TUSC3: variants seen among roughly 807,000 people sequenced by gnomAD.
TUSC3 encodes dolichyl-diphosphooligosaccharide--protein glycosyltransferase subunit TUSC3.
A neutral mutation model predicts 44.8 loss-of-function variants in TUSC3; 45 were observed. The ratio of observed to expected loss-of-function variants is 1.00; its 90% CI spans 0.79 to 1.29. The LOEUF is 1.29. Ranked by LOEUF, TUSC3 falls within the 50% of genes most tolerant of loss-of-function variation. TUSC3 has a pLI of 0.00. For synonymous variants in TUSC3, 212 were observed against 152.9 expected (o/e 1.39, Z -2.85); for missense variants, 519 against 437.9 (o/e 1.19, Z -1.65).
chr8:15,774,606 T>C, the TUSC3 span, among the ~76,000 whole-genome samples: 1 of 152,204 alleles, frequency 6.6e-6, no homozygotes, highest in Non-Finnish European at 1.5e-5. Context: ...ATTTCTGTTC[T>C]TTTAACCCAT....
At chr8:15,616,217 G>A (rs962660546) in intron 1 of TUSC3, among the ~76,000 whole-genome samples, 5 of 152,186 alleles carry the variant, frequency 3.3e-5, no homozygotes, top group African/African-American at 1.2e-4. Flanking sequence ...TTCTGTTTTA[G>A]AAGTTTATAG....
chr8:15,466,626 A>G (rs1157071974), intron 1 of TUSC3, among the ~76,000 whole-genome samples: 1 of 152,172 alleles, frequency 6.6e-6, no homozygotes, highest in Non-Finnish European at 1.5e-5. Context: ...TATAGTAGCT[A>G]TCCAACTTAG....
At chr8:15,746,022 T>C (rs1811399901) in intron 8 of TUSC3, among the ~76,000 whole-genome samples, 1 of 152,158 alleles carries the variant, frequency 6.6e-6, no homozygotes, top group Non-Finnish European at 1.5e-5. Context: ...TAGAGAGTCC[T>C]CTCCCCATTG....
intron 5 of TUSC3, among the ~76,000 whole-genome samples, chr8:15,668,425 A>G (rs553536978): frequency 1.1e-4 from 16 of 151,852 alleles, no homozygotes; most frequent in African/African-American, 3.6e-4. Context: ...TGACCATTCA[A>G]CAAGAGTTTG....
the TUSC3 span, among the ~76,000 whole-genome samples, chr8:15,820,078 T>C: frequency 0.11 from 16,135 of 152,198 alleles, 964 homozygotes; most frequent in East Asian, 0.25. Flanking sequence ...CTGTTCAATA[T>C]TATCAAATGC....
chr8:15,446,446 C>A (rs982825394), intron 1 of TUSC3, among the ~76,000 whole-genome samples: 12 of 152,102 alleles, frequency 7.9e-5, no homozygotes, highest in Non-Finnish European at 1.3e-4. Context: ...ACATTGAGCA[C>A]TGAGTGAGCG....
At chr8:15,692,189 A>T (rs996559387) in intron 6 of TUSC3, among the ~76,000 whole-genome samples, 1 of 152,114 alleles carries the variant, frequency 6.6e-6, no homozygotes, top group Non-Finnish European at 1.5e-5. Flanking sequence ...ATCATGGTGG[A>T]TTAACTTTTT....
the TUSC3 span, among the ~76,000 whole-genome samples, chr8:15,848,772 G>A: frequency 1.1e-3 from 165 of 152,260 alleles, no homozygotes; most frequent in African/African-American, 3.8e-3. Flanking sequence ...GTTTGAGTTG[G>A]TTTCTGTAAT....
chr8:15,476,191 A>C (rs1800573359), intron 1 of TUSC3, among the ~76,000 whole-genome samples: 1 of 152,206 alleles, frequency 6.6e-6, no homozygotes, highest in South Asian at 2.1e-4. Flanking sequence ...CGTTTAAAGA[A>C]TTTTTAAAAC....
At chr8:15,543,621 T>G (rs186395734) in intron 1 of TUSC3, among the ~76,000 whole-genome samples, 6 of 152,262 alleles carry the variant, frequency 3.9e-5, no homozygotes, top group Admixed American at 1.3e-4. Flanking sequence ...AAATGCTTAG[T>G]GCAATGCGTA....
At position 15,612,030 on chromosome 8, in the gene TUSC3, A is replaced by C. The variant is rs7831687; in HGVS notation, c.139-11050A>C. ...CTTGTTCTCTTAGAGACTCCTTTAA[A>C]AATATAAGAAGAACAGAAGGGGTCA... On this transcript the variant is annotated intron_variant, in intron 1 of 10. Coordinates refer to ENST00000503731, the MANE Select transcript of TUSC3 (RefSeq NM_006765.4). 9.1e-3 allele frequency among the ~76,000 whole-genome samples: 1,387 copies of C among 152,258 alleles called. 19 individuals are homozygous for C. The highest frequency in any genetic ancestry group is 0.032 in the African/African-American group (1,314 of 41,544).
chr8:15,531,449 G>C (rs11780568), intron 2 of TUSC3, among the ~76,000 whole-genome samples: 1 of 151,986 alleles, frequency 6.6e-6, no homozygotes. Context: ...ACAGGGTTTC[G>C]CCACGTTGGC....
intron 1 of TUSC3, among the ~76,000 whole-genome samples, chr8:15,463,529 A>G (rs1384510306): frequency 6.6e-6 from 1 of 152,152 alleles, no homozygotes; most frequent in Non-Finnish European, 1.5e-5. Flanking sequence ...ATGAGAAAGC[A>G]TCTGGCAAAT....
intron 2 of TUSC3, among the ~76,000 whole-genome samples, chr8:15,639,219 T>C (rs1448579556): frequency 6.6e-6 from 1 of 151,646 alleles, no homozygotes; most frequent in Non-Finnish European, 1.5e-5. Context: ...GTGTTGATGC[T>C]AGATCACGTG....
chr8:15,480,848 C>A (rs946215776), intron 1 of TUSC3, among the ~76,000 whole-genome samples: 2 of 152,174 alleles, frequency 1.3e-5, no homozygotes, highest in Non-Finnish European at 2.9e-5. Context: ...GGAGCTAAGA[C>A]TTCAATATAC....
chr8:15,539,598 T>A (rs1585081617), upstream of TUSC3, among the ~76,000 whole-genome samples: 1 of 152,090 alleles, frequency 6.6e-6, no homozygotes, highest in Admixed American at 6.5e-5. Flanking sequence ...GTGAGCCACC[T>A]GCCTCAGCCT....
At chr8:15,570,187 C>T (rs1398992398) in intron 1 of TUSC3, among the ~76,000 whole-genome samples, 2 of 151,710 alleles carry the variant, frequency 1.3e-5, no homozygotes, top group African/African-American at 4.8e-5. Context: ...TATATGTCAT[C>T]TGTGCAGAGT....
At chr8:15,596,326 C>A (rs1318698335) in intron 1 of TUSC3, among the ~76,000 whole-genome samples, 1 of 152,062 alleles carries the variant, frequency 6.6e-6, no homozygotes, top group African/African-American at 2.4e-5. Flanking sequence ...GTTAACATGC[C>A]GTGTAAGAGT....
chr8:15,435,279 G>A (rs529517363), intron 1 of TUSC3, among the ~76,000 whole-genome samples: 4 of 151,910 alleles, frequency 2.6e-5, no homozygotes, highest in African/African-American at 4.8e-5. Context: ...CATTTCTCTG[G>A]TGGCCAGTGA....
Sources: gnomAD v4.1 joint callset for allele counts (sites outside exome capture counted in the v4.1 genomes callset) on GRCh38, gnomAD v4.1.1 for gene constraint, MANE v1.5 for transcripts, NCBI Gene and HGNC (gene_info 2026-07-23, HGNC 2026-07-21) for gene names.